INPP4B: variants seen among roughly 807,000 people sequenced by gnomAD.
INPP4B encodes inositol polyphosphate-4-phosphatase type II B, also known as inositol polyphosphate 4-phosphatase type II.
INPP4B carries 55 observed loss-of-function variants against 122.5 expected under a neutral mutation model. The observed-to-expected ratio is 0.45, with a 90% CI of 0.36 to 0.56. The LOEUF is 0.56. Among genes scored for constraint, INPP4B ranks in the 20% least tolerant of loss-of-function variants. INPP4B has a pLI of 0.00. For synonymous variants in INPP4B, 403 were observed against 388.7 expected, an observed-to-expected ratio of 1.04 and a Z score of -0.43; for missense variants, 1,000 against 1,097.7, an observed-to-expected ratio of 0.91 and a Z score of 1.26.
At chr4:142,516,777 C>G (rs1213774559) in intron 2 of INPP4B, among the ~76,000 whole-genome samples, 1 of 149,256 alleles carries the variant, frequency 6.7e-6, no homozygotes, top group East Asian at 2.0e-4. Context: ...TTTTTTTTTT[C>G]CCCCAGTCAG....
At chr4:142,053,266 G>A (rs1016761490) in intron 25 of INPP4B, among the ~76,000 whole-genome samples, 6 of 152,000 alleles carry the variant, frequency 3.9e-5, no homozygotes, top group African/African-American at 1.2e-4. Context: ...CCACTGAACT[G>A]CTCTTAAGCA....
intron 5 of INPP4B, among the ~76,000 whole-genome samples, chr4:142,423,969 C>T (rs192053892): frequency 1.3e-5 from 2 of 151,942 alleles, no homozygotes; most frequent in Admixed American, 1.3e-4. Context: ...CTATATGTAG[C>T]TTGTATAATA....
intron 2 of INPP4B, among the ~76,000 whole-genome samples, chr4:142,595,051 A>G (rs1339370497): frequency 6.6e-6 from 1 of 151,584 alleles, no homozygotes; most frequent in African/African-American, 2.4e-5. Context: ...TATTAGCTGT[A>G]ATGACTTTTC....
chr4:142,218,810 TA>T (rs2149673530), intron 12 of INPP4B, among the ~76,000 whole-genome samples: 1 of 152,272 alleles, frequency 6.6e-6, no homozygotes, highest in East Asian at 1.9e-4. Flanking sequence ...AAAGAAGTCA[TA>T]AAAAATTTAT....
chr4:142,552,013 C>G (rs889507430), intron 2 of INPP4B, among the ~76,000 whole-genome samples: 5 of 152,046 alleles, frequency 3.3e-5, no homozygotes, highest in African/African-American at 9.7e-5. Flanking sequence ...TGTCAAGTGG[C>G]GGGGGACCTA....
chr4:142,551,915 C>T (rs932281772), intron 2 of INPP4B, among the ~76,000 whole-genome samples: 12 of 152,172 alleles, frequency 7.9e-5, no homozygotes, highest in African/African-American at 2.9e-4. Context: ...ATATTTTAGT[C>T]CTGTTGTGGT....
intron 1 of INPP4B, among the ~76,000 whole-genome samples, chr4:142,821,792 A>G (rs1277482163): frequency 2.0e-5 from 3 of 152,152 alleles, no homozygotes; most frequent in African/African-American, 7.2e-5. Context: ...CACTAGTCTG[A>G]CCGTTATGCT....
chr4:142,748,201 T>C (rs1359507346), intron 1 of INPP4B, among the ~76,000 whole-genome samples: 1 of 152,022 alleles, frequency 6.6e-6, no homozygotes, highest in East Asian at 1.9e-4. Context: ...AGAAAATGTT[T>C]GAAAATTAAT....
intron 2 of INPP4B, among the ~76,000 whole-genome samples, chr4:142,491,007 A>G (rs887784888): frequency 2.0e-5 from 3 of 152,176 alleles, no homozygotes; most frequent in African/African-American, 7.2e-5. Context: ...GACTATTGTG[A>G]ATAATACTGC....
chr4:142,710,702 T>G (rs1763015418), intron 2 of INPP4B, among the ~76,000 whole-genome samples: 1 of 152,228 alleles, frequency 6.6e-6, no homozygotes. Context: ...CTCAATCAGT[T>G]GTTTTTGCTT....
rs1810357331 is a variant in INPP4B, at chr4:142,145,757, C to T, written c.1720+83G>A. On this transcript the variant is annotated intron_variant, in intron 18 of 25. Coordinates refer to ENST00000262992, the MANE Select transcript of INPP4B (RefSeq NM_001101669.3). ...CTCTCATCAAAGATACTATTGACTC[C>T]TCTTCTTCTATATCATTTTTTTTTC... The T allele has an allele frequency of 4.4e-6, 6 of 1,377,388 alleles. No individual in the cohort carries two copies. In the Admixed American group the frequency reaches 7.1e-5, roughly 16 times the overall value. 85.3% of individuals were successfully genotyped at this position (1,377,388 alleles called of 1,614,324 possible).
At chr4:142,394,125 T>A (rs1798588068) in intron 7 of INPP4B, among the ~76,000 whole-genome samples, 1 of 152,114 alleles carries the variant, frequency 6.6e-6, no homozygotes, top group Admixed American at 6.5e-5. Context: ...AGTTCACTTT[T>A]CTGTTTTGTG....
intron 11 of INPP4B, among the ~76,000 whole-genome samples, chr4:142,256,552 T>C (rs1447470608): frequency 6.6e-6 from 1 of 152,096 alleles, no homozygotes; most frequent in Admixed American, 6.6e-5. Flanking sequence ...AAATACAAAC[T>C]ACCATCAGAG....
rs1829091887 is a variant in INPP4B, at chr4:142,542,780, A to G, written c.-190-80054T>C. ...AGCAATAAAGCCATTTTGTCAAACC[A>G]ATAACTAGATTGTCATCTCCTAATA... On this transcript the variant is annotated intron_variant, in intron 2 of 25. Coordinates refer to ENST00000262992, the MANE Select transcript of INPP4B (RefSeq NM_001101669.3). Among the ~76,000 whole-genome samples the G allele has an allele frequency of 1.3e-5, 2 of 152,160 alleles. 1 individual carries two copies. The highest frequency in any genetic ancestry group is 4.1e-4 in the South Asian group (2 of 4,830).
intron 2 of INPP4B, among the ~76,000 whole-genome samples, chr4:142,711,930 T>C (rs1281947834): frequency 6.6e-6 from 1 of 152,054 alleles, no homozygotes; most frequent in Admixed American, 6.5e-5. Context: ...TGACTGTAGT[T>C]CCAGTTACTC....
At chr4:142,800,847 G>C (rs573486775) in intron 1 of INPP4B, among the ~76,000 whole-genome samples, 2 of 152,224 alleles carry the variant, frequency 1.3e-5, no homozygotes, top group East Asian at 3.9e-4. Flanking sequence ...TGGTAGCCTT[G>C]AACTCAAGAA....
intron 2 of INPP4B, among the ~76,000 whole-genome samples, chr4:142,596,319 T>C (rs1459476679): frequency 1.3e-5 from 2 of 152,172 alleles, no homozygotes; most frequent in Admixed American, 1.3e-4. Context: ...TTATGTGATG[T>C]TTGGGACCTA....
At chr4:142,807,749 A>G (rs1480424916) in intron 1 of INPP4B, among the ~76,000 whole-genome samples, 1 of 151,872 alleles carries the variant, frequency 6.6e-6, no homozygotes, top group East Asian at 1.9e-4. Context: ...CTGATTGCCT[A>G]CAATGTCACA....
intron 9 of INPP4B, among the ~76,000 whole-genome samples, chr4:142,300,156 C>T (rs1760780074): frequency 6.6e-6 from 1 of 152,136 alleles, no homozygotes; most frequent in East Asian, 1.9e-4. Context: ...GGGTTCACAC[C>T]AACTTACAGG....
Sources: allele counts gnomAD v4.1 joint callset (sites outside exome capture counted in the v4.1 genomes callset), GRCh38; gene constraint gnomAD v4.1.1; transcripts MANE v1.5; gene names NCBI Gene and HGNC (gene_info 2026-07-23, HGNC 2026-07-21).